Variants in CHD9 observed in about 807,000 individuals in gnomAD.
CHD9 encodes ATP-dependent chromatin remodeler CHD9.
A neutral mutation model predicts 316.1 loss-of-function variants in CHD9; 77 were observed. The observed-to-expected ratio is 0.24, with a 90% CI of 0.20 to 0.29. The LOEUF (loss-of-function observed/expected upper bound fraction) is 0.29. Ranked by LOEUF, CHD9 falls within the 10% of genes least tolerant of loss-of-function variation. The pLI is 1.00. For missense variants in CHD9, 2,763 were observed against 3,438.1 expected (o/e 0.80, Z 4.91); for synonymous variants, 1,129 against 1,158.3 (o/e 0.97, Z 0.51).
At chr16:53,074,257 A>G (rs1249886966) in intron 1 of CHD9, among the ~76,000 whole-genome samples, 1 of 152,214 alleles carries the variant, frequency 6.6e-6, no homozygotes, top group Non-Finnish European at 1.5e-5. Context: ...GCAGCAAAGC[A>G]TTCAAGAGTT....
rs185362553 is a variant in CHD9, at chr16:53,159,509, T to C, written c.1452+1968T>C. Among the ~76,000 whole-genome samples the C allele has an allele frequency of 1.8e-3, 278 of 152,344 alleles. 1 individual carries two copies. Among genetic ancestry groups the C allele is most frequent in the Middle Eastern group, 6.8e-3 (2 of 294 alleles). On this transcript the variant is annotated intron_variant, in intron 2 of 38. Coordinates refer to ENST00000447540, the MANE Select transcript of CHD9 (RefSeq NM_001308319.2). ...TGGACAATGAAATATACCAAAGTTC[T>C]TGAAATTAAATATTTAGGGATCCAT...
rs1351295949 is a variant in CHD9, at chr16:53,250,381, G to A, written c.3861+315G>A. On this transcript the variant is annotated intron_variant, in intron 17 of 38. Coordinates refer to ENST00000447540, the MANE Select transcript of CHD9 (RefSeq NM_001308319.2). ...AGGTCTCACTATGTTGCCCAGGCTG[G>A]TCTTGAACCCCAGGACTCAAGCATT... The A allele has an allele frequency of 4.0e-5, 9 of 226,090 alleles. 1 individual carries two copies. The Admixed American group carries it at 4.7e-4, about 12-fold the overall frequency. The allele number at this position is 226,090 out of a possible 1,614,324, so 14.0% of individuals were successfully genotyped here.
intron 3 of CHD9, among the ~76,000 whole-genome samples, chr16:53,211,016 C>G (rs1341939699): frequency 6.6e-6 from 1 of 151,880 alleles, no homozygotes; most frequent in African/African-American, 2.4e-5. Flanking sequence ...AAGCTCTGCC[C>G]AGTTTTAATT....
intron 30 of CHD9, chr16:53,298,626 C>G (rs1185471893): frequency 6.6e-6 from 1 of 152,316 alleles, no homozygotes; most frequent in Non-Finnish European, 1.5e-5. Context: ...TGCGCTTGAT[C>G]TCGAGCAACA....
At chr16:53,144,848 C>G (rs1278770590) in intron 1 of CHD9, among the ~76,000 whole-genome samples, 4 of 151,696 alleles carry the variant, frequency 2.6e-5, no homozygotes, top group African/African-American at 9.7e-5. Flanking sequence ...AAAAATCAGC[C>G]AGGCATGGTG....
chr16:53,167,757 A>G (rs1224486442), intron 2 of CHD9, among the ~76,000 whole-genome samples: 1 of 151,992 alleles, frequency 6.6e-6, no homozygotes, highest in Non-Finnish European at 1.5e-5. Flanking sequence ...TGACAGTGCC[A>G]AGAAAGTGGA....
At chr16:53,203,196 A>G (rs2045602472) in intron 2 of CHD9, among the ~76,000 whole-genome samples, 1 of 152,218 alleles carries the variant, frequency 6.6e-6, no homozygotes, top group East Asian at 1.9e-4. Flanking sequence ...TAAGGAGACT[A>G]AAAACCAGTA....
intron 2 of CHD9, among the ~76,000 whole-genome samples, chr16:53,201,009 C>T (rs2045408900): frequency 6.6e-6 from 1 of 152,166 alleles, no homozygotes; most frequent in Non-Finnish European, 1.5e-5. Context: ...TAGATGAATA[C>T]TGTTATTATC....
At chr16:53,174,896 T>C (rs2042999707) in intron 2 of CHD9, among the ~76,000 whole-genome samples, 1 of 152,248 alleles carries the variant, frequency 6.6e-6, no homozygotes, top group Admixed American at 6.5e-5. Context: ...TCTTGAGTAA[T>C]GGGAAATTTT....
chr16:53,306,246 C>A lies in CHD9; in HGVS notation c.6629C>A (p.Thr2210Asn). 1 of 1,550,742 alleles carries A rather than the reference C, an allele frequency of 6.4e-7. No homozygotes were observed. The highest frequency in any genetic ancestry group is 8.7e-7 in the Non-Finnish European group (1 of 1,153,314). ...EEEAQKREST[T>N]HMKAYDEESV... ...TAATTGTTTTTAGCAGAAAGTACTA[C>A]TCACATGAAAGCCTATGATGAAGAA... The change falls in exon 32 of 39, where the codon ACT (threonine) becomes AAT (asparagine). Residue 2210 changes from threonine (T) to asparagine (N), a missense_variant. Around this residue, in one of 15 missense-constraint regions of CHD9, gnomAD observed 663 missense variants for 751.2 expected, o/e 0.88. Transcript: ENST00000447540.
intron 1 of CHD9, among the ~76,000 whole-genome samples, chr16:53,116,169 C>T (rs926904762): frequency 2.0e-5 from 3 of 152,178 alleles, no homozygotes; most frequent in African/African-American, 7.2e-5. Context: ...AAGCAGTTCT[C>T]CTGCCTGAGC....
chr16:53,151,561 A>G (rs2041119934), intron 1 of CHD9, among the ~76,000 whole-genome samples: 1 of 151,902 alleles, frequency 6.6e-6, no homozygotes. Context: ...CAGCCTCTTC[A>G]TTATTTTTTC....
At chr16:53,259,447 A>C (rs1210773293) in intron 19 of CHD9, among the ~76,000 whole-genome samples, 3 of 152,060 alleles carry the variant, frequency 2.0e-5, no homozygotes, top group African/African-American at 7.2e-5. Flanking sequence ...TTAAAATCTG[A>C]TTGTGTCCTT....
intron 2 of CHD9, chr16:53,208,084 C>A (rs2046025997): frequency 1.0e-6 from 1 of 999,466 alleles, no homozygotes; most frequent in South Asian, 4.0e-5. Flanking sequence ...GGAAACTCAG[C>A]TTTTTAGGAG....
chr16:53,295,999 AT>A (rs1435761065), intron 29 of CHD9, among the ~76,000 whole-genome samples: 1 of 152,160 alleles, frequency 6.6e-6, no homozygotes, highest in Non-Finnish European at 1.5e-5. Context: ...AGTATAAGCC[AT>A]AACCTTGTCA....
intron 1 of CHD9, among the ~76,000 whole-genome samples, chr16:53,069,893 C>T (rs760219667): frequency 4.1e-5 from 6 of 147,754 alleles, no homozygotes; most frequent in South Asian, 2.2e-4. Context: ...TCCTTGTCAA[C>T]GTTTGTTATT....
chr16:53,155,807 A>G (rs1034672726), intron 1 of CHD9, 119 bp from the exon 2 acceptor site: 2 of 350,730 alleles, frequency 5.7e-6, no homozygotes, highest in Non-Finnish European at 1.0e-5. Context: ...GAGTCATATA[A>G]TATGTGGTAT....
At chr16:53,275,296 G>A (rs1157718983) in intron 24 of CHD9, among the ~76,000 whole-genome samples, 2 of 152,130 alleles carry the variant, frequency 1.3e-5, no homozygotes, top group African/African-American at 4.8e-5. Flanking sequence ...CCAAAGTGCT[G>A]GGATTACAGG....
At chr16:53,244,727 G>A (rs1360287111) in intron 13 of CHD9, among the ~76,000 whole-genome samples, 1 of 152,050 alleles carries the variant, frequency 6.6e-6, no homozygotes, top group East Asian at 1.9e-4. Flanking sequence ...GGCACGAATA[G>A]CATACAAAGT....
Sources: gnomAD v4.1 joint callset for allele counts (sites outside exome capture counted in the v4.1 genomes callset) on GRCh38, gnomAD v4.1.1 for gene constraint, gnomAD v4.1.1 regional missense constraint, MANE v1.5 for transcripts, NCBI Gene and HGNC (gene_info 2026-07-23, HGNC 2026-07-21) for gene names.